RAB11FIP4: variants seen among roughly 807,000 people sequenced by gnomAD.
RAB11FIP4 encodes the protein RAB11 family interacting protein 4, also known as rab11 family-interacting protein 4.
In RAB11FIP4, 23 loss-of-function variants were observed where a neutral mutation model predicts 74.3. That is an observed-to-expected ratio of 0.31 (90% CI 0.22 to 0.44). The LOEUF (loss-of-function observed/expected upper bound fraction) is 0.44, where lower values mean the gene tolerates loss of function less well. Among genes scored for constraint, RAB11FIP4 ranks in the 20% least tolerant of loss-of-function variants. The pLI is 1.00. For synonymous variants in RAB11FIP4, 360 were observed against 359.9 expected (o/e 1.00, Z 0.00); for missense variants, 630 against 863.9 (o/e 0.73, Z 3.39).
At chr17:31,526,422 C>T (rs1362817586) in intron 10 of RAB11FIP4, 1 of 152,234 alleles carries the variant, frequency 6.6e-6, no homozygotes, top group African/African-American at 2.4e-5. Context: ...GCTTGGTTCC[C>T]TACCACTTCC....
At chr17:31,468,161 C>A (rs974212420) in intron 3 of RAB11FIP4, among the ~76,000 whole-genome samples, 18 of 152,154 alleles carry the variant, frequency 1.2e-4, no homozygotes, top group African/African-American at 4.3e-4. Flanking sequence ...ATTCTGATGC[C>A]AAGTAGCTGG....
At chr17:31,416,059 C>T (rs570021498) in intron 1 of RAB11FIP4, among the ~76,000 whole-genome samples, 42 of 152,226 alleles carry the variant, frequency 2.8e-4, no homozygotes, top group Non-Finnish European at 5.7e-4. Context: ...CCCGAGGTCA[C>T]GCAGTGGTAC....
intron 3 of RAB11FIP4, among the ~76,000 whole-genome samples, chr17:31,469,864 G>T (rs1349306162): frequency 1.3e-5 from 2 of 152,188 alleles, no homozygotes; most frequent in Admixed American, 6.5e-5. Flanking sequence ...AGCAAATATT[G>T]TCTCCTCTGA....
intron 3 of RAB11FIP4, among the ~76,000 whole-genome samples, chr17:31,458,586 C>G (rs1441360154): frequency 6.6e-6 from 1 of 152,170 alleles, no homozygotes; most frequent in Non-Finnish European, 1.5e-5. Flanking sequence ...CTTCTCTGCA[C>G]GGGAGCCTGG....
rs969277770 is a variant in RAB11FIP4, at chr17:31,436,099, G to A, written c.336+1977G>A. Among the ~76,000 whole-genome samples, 12 of 152,288 alleles carry A rather than the reference G, an allele frequency of 7.9e-5. No individual in the cohort carries two copies. The East Asian group carries it at 1.9e-3, about 25-fold the overall frequency. On this transcript the variant is annotated intron_variant, in intron 3 of 14. Transcript: ENST00000621161. ...CCTGGATTGCTGAGCAGGAGGCAGCGTGCAGAGGTGTGCAGGACTGGGTCC... is the reference window on the plus strand; with the variant it reads ...CCTGGATTGCTGAGCAGGAGGCAGCATGCAGAGGTGTGCAGGACTGGGTCC...
chr17:31,442,959 CAAA>C (rs11435501), intron 3 of RAB11FIP4, among the ~76,000 whole-genome samples: 3 of 129,484 alleles, frequency 2.3e-5, no homozygotes, highest in Admixed American at 7.7e-5. Flanking sequence ...GACTCTGTCT[CAAA>C]AAAAAAAAAA....
At chr17:31,394,815 G>T (rs534221487) in intron 1 of RAB11FIP4, among the ~76,000 whole-genome samples, 4 of 151,492 alleles carry the variant, frequency 2.6e-5, no homozygotes, top group African/African-American at 9.7e-5. Context: ...GGTGGTTTTC[G>T]GCTTATGCTG....
chr17:31,421,841 G>C (rs2071202996), intron 1 of RAB11FIP4, among the ~76,000 whole-genome samples: 1 of 152,066 alleles, frequency 6.6e-6, no homozygotes, highest in Non-Finnish European at 1.5e-5. Flanking sequence ...GATTATAGAT[G>C]TGAGCCACCA....
chr17:31,417,971 C>T (rs984139911), intron 1 of RAB11FIP4, among the ~76,000 whole-genome samples: 1 of 152,144 alleles, frequency 6.6e-6, no homozygotes, highest in African/African-American at 2.4e-5. Flanking sequence ...TATGCCTGTA[C>T]TCCCAGCTAC....
chr17:31,507,830 A>T (rs2072380810), intron 3 of RAB11FIP4, among the ~76,000 whole-genome samples: 1 of 151,718 alleles, frequency 6.6e-6, no homozygotes, highest in Admixed American at 6.6e-5. Context: ...ATTTTATTTT[A>T]TTTTATTTTA....
chr17:31,407,878 C>T (rs1298624658), intron 1 of RAB11FIP4, among the ~76,000 whole-genome samples: 1 of 152,172 alleles, frequency 6.6e-6, no homozygotes, highest in Non-Finnish European at 1.5e-5. Flanking sequence ...ACAGTGTAAA[C>T]ATTTGGTTTA....
rs147342379 is a variant in RAB11FIP4, at chr17:31,511,279, G to A, written c.337-6372G>A. ...ACGCCACCCCGCGCCTCCTTTTGCC[G>A]TGTGTTCCGCGCCCTCATGACACAA... On this transcript the variant is annotated intron_variant, in intron 3 of 14. Transcript: ENST00000621161. Among the ~76,000 whole-genome samples the A allele has an allele frequency of 4.1e-3, 617 of 152,310 alleles. 4 individuals carry two copies. The highest frequency in any genetic ancestry group is 0.014 in the African/African-American group (575 of 41,558).
At chr17:31,413,875 T>C (rs2071122920) in intron 1 of RAB11FIP4, among the ~76,000 whole-genome samples, 1 of 152,230 alleles carries the variant, frequency 6.6e-6, no homozygotes, top group East Asian at 1.9e-4. Flanking sequence ...AGTTTAAAAA[T>C]GATCCAGTTC....
At chr17:31,494,230 A>G (rs1025091396) in intron 3 of RAB11FIP4, among the ~76,000 whole-genome samples, 1 of 151,712 alleles carries the variant, frequency 6.6e-6, no homozygotes, top group Admixed American at 6.6e-5. Context: ...GCCCCTTGCT[A>G]TTGGTGGAAT....
chr17:31,505,431 AATT>A (rs1311567013), intron 3 of RAB11FIP4, among the ~76,000 whole-genome samples: 3 of 67,170 alleles, frequency 4.5e-5, no homozygotes, highest in African/African-American at 7.2e-5. Flanking sequence ...ATTAATATAT[AATT>A]ATTATATAAT....
intron 13 of RAB11FIP4, among the ~76,000 whole-genome samples, chr17:31,529,590 G>A (rs533055681): frequency 7.6e-4 from 115 of 152,292 alleles, no homozygotes; most frequent in African/African-American, 2.5e-3. Context: ...TTCAAGGAGC[G>A]CTGCCTTAGC....
At chr17:31,525,307 C>CA in intron 10 of RAB11FIP4, 77 bp downstream of exon 10, 4 of 1,402,682 alleles carry the variant, frequency 2.9e-6, no homozygotes, top group Non-Finnish European at 2.8e-6. Context: ...GGCGCTATCC[C>CA]CATTTTATAG....
intron 3 of RAB11FIP4, among the ~76,000 whole-genome samples, chr17:31,510,582 G>A (rs1172286628): frequency 6.6e-6 from 1 of 151,848 alleles, no homozygotes; most frequent in African/African-American, 2.4e-5. Context: ...CCTTCCCCAG[G>A]CAGCATCTCA....
In RAB11FIP4 at chr17:31,415,043, C is replaced by T. The variant is rs2071133993; in HGVS notation, c.160-16770C>T. On this transcript the variant is annotated intron_variant, in intron 1 of 14. Transcript: ENST00000621161. The stretch of plus-strand genomic sequence containing the variant: ...AGGGGAAGCAGGGAGGGGACAGCTT[C>T]CTGTTCATGGGCCCCACCCTCCAGA... Among the ~76,000 whole-genome samples, 3 of 152,216 alleles carry T rather than the reference C, an allele frequency of 2.0e-5. No individual in the cohort carries two copies. In the South Asian group the frequency reaches 6.2e-4, roughly 32 times the overall value.
Sources: gnomAD v4.1 joint callset for allele counts (sites outside exome capture counted in the v4.1 genomes callset) on GRCh38, gnomAD v4.1.1 for gene constraint, MANE v1.5 for transcripts, NCBI Gene and HGNC (gene_info 2026-07-23, HGNC 2026-07-21) for gene names.